The following CASP4 variants were observed in gnomAD, a reference collection of about 807,000 sequenced individuals.
CASP4 encodes the protein caspase-4.
A neutral mutation model predicts 41.3 loss-of-function variants in CASP4; 29 were observed. That is an observed-to-expected ratio of 0.70 (90% confidence interval 0.52 to 0.96). The LOEUF is 0.96. Ranked by LOEUF, CASP4 falls within the 40% of genes least tolerant of loss-of-function variation. The pLI is 0.00. For synonymous variants in CASP4, 185 were observed against 158.4 expected, an observed-to-expected ratio of 1.17 and a Z score of -1.26; for missense variants, 447 against 460.6, an observed-to-expected ratio of 0.97 and a Z score of 0.27.
At chr11:104,943,193 G>T (rs377535793) in intron 8 of CASP4, 3 of 318,130 alleles carry the variant, frequency 9.4e-6, no homozygotes, top group African/African-American at 6.5e-5. Context: ...AAGGCTTCCT[G>T]TCTCGCTCAG....
At chr11:104,943,147 T>C in intron 8 of CASP4, 174 bp from the exon 9 acceptor site, 1 of 349,484 alleles carries the variant, frequency 2.9e-6, no homozygotes, top group East Asian at 7.5e-5. Flanking sequence ...AAAACCTAAT[T>C]TAAAGCATAT....
chr11:104,958,983 AAAAAG>A (rs1591133299), intron 1 of CASP4, among the ~76,000 whole-genome samples: 5 of 149,774 alleles, frequency 3.3e-5, no homozygotes, highest in Middle Eastern at 3.5e-3. Context: ...AAAAAAAAAA[AAAAAG>A]AGTAAATTAG....
rs1284067659 is a variant in CASP4 at position 104,954,729 on chromosome 11, T to C, written c.262+18A>G. 8 of 1,609,188 alleles carry C rather than the reference T, an allele frequency of 5.0e-6. No homozygotes were observed. The highest frequency in any genetic ancestry group is 6.8e-6 in the Non-Finnish European group (8 of 1,177,410). ...TTAGGGAAAATTGAGACATTCATTGTAAAAAATCCAGTCTTACCTTTTTTA... is the reference window on the plus strand; with the variant it reads ...TTAGGGAAAATTGAGACATTCATTGCAAAAAATCCAGTCTTACCTTTTTTA... On this transcript the variant is annotated intron_variant, in intron 2 of 8. Transcript: ENST00000444739.
chr11:104,943,924 TAGAG>T (rs1860386339), intron 8 of CASP4: 1 of 152,214 alleles, frequency 6.6e-6, no homozygotes, highest in South Asian at 2.1e-4. Flanking sequence ...GTATGTATCT[TAGAG>T]GGAGATTGAT....
chr11:104,950,259 T>A (rs937876200), intron 4 of CASP4, among the ~76,000 whole-genome samples: 1 of 152,166 alleles, frequency 6.6e-6, no homozygotes, highest in Non-Finnish European at 1.5e-5. Flanking sequence ...TCAGCTCAGC[T>A]CTTTCACAGG....
intron 2 of CASP4, among the ~76,000 whole-genome samples, chr11:104,954,333 TATA>T (rs1219037221): frequency 6.6e-6 from 1 of 152,112 alleles, no homozygotes; most frequent in African/African-American, 2.4e-5. Flanking sequence ...TGCCTGTCAT[TATA>T]ATGTTTCTAG....
At chr11:104,951,856 T>G in intron 3 of CASP4, 40 bp downstream of exon 3, 1 of 1,317,890 alleles carries the variant, frequency 7.6e-7, no homozygotes, top group Non-Finnish European at 1.1e-6. Flanking sequence ...AGCAATGATA[T>G]CTCTTCTTTT....
chr11:104,950,820 A>ACACC, intron 4 of CASP4, 105 bp downstream of exon 4: 2 of 1,004,986 alleles, frequency 2.0e-6, no homozygotes, highest in Admixed American at 2.3e-5. Context: ...ACACACACAC[A>ACACC]CACCCAAAGG....
chr11:104,957,610 A>G (rs1433711003), intron 1 of CASP4, among the ~76,000 whole-genome samples: 1 of 152,156 alleles, frequency 6.6e-6, no homozygotes, highest in Non-Finnish European at 1.5e-5. Context: ...AAAACTATAA[A>G]ATATTGATAG....
At chr11:104,949,811 A>G in intron 4 of CASP4, 34 bp from the exon 5 acceptor site, 1 of 1,598,416 alleles carries the variant, frequency 6.3e-7, no homozygotes, top group Non-Finnish European at 8.6e-7. Context: ...TCAGTCAGAG[A>G]AGCATCACAA....
At chr11:104,951,809 A>G (rs1356884552) in intron 3 of CASP4, 87 bp downstream of exon 3, 5 of 869,502 alleles carry the variant, frequency 5.8e-6, no homozygotes, top group Non-Finnish European at 9.6e-6. Flanking sequence ...CCCACCCCCA[A>G]TCATTTAGTG....
intron 7 of CASP4, 105 bp from the exon 8 acceptor site, chr11:104,944,956 G>T: frequency 1.3e-6 from 1 of 791,246 alleles, no homozygotes; most frequent in Non-Finnish European, 2.1e-6. Flanking sequence ...GAGCTTGCAG[G>T]TTTCATAGAA....
intron 1 of CASP4, among the ~76,000 whole-genome samples, chr11:104,957,583 C>G (rs1446680204): frequency 1.3e-5 from 2 of 151,788 alleles, no homozygotes; most frequent in Admixed American, 1.3e-4. Flanking sequence ...AAAATAACAG[C>G]AATAATAACA....
intron 1 of CASP4, among the ~76,000 whole-genome samples, chr11:104,962,406 A>G (rs1373928095): frequency 1.3e-5 from 2 of 152,244 alleles, no homozygotes; most frequent in Non-Finnish European, 2.9e-5. Context: ...AATAGAAAAA[A>G]GAATTTACAA....
intron 6 of CASP4, chr11:104,948,061 A>G (rs1052883354): frequency 2.6e-5 from 4 of 152,376 alleles, no homozygotes; most frequent in African/African-American, 7.2e-5. Context: ...GCTCCTTAAG[A>G]TAATTACCTA....
chr11:104,963,736 G>A (rs1013788329), intron 1 of CASP4, among the ~76,000 whole-genome samples: 4 of 152,098 alleles, frequency 2.6e-5, no homozygotes, highest in Non-Finnish European at 4.4e-5. Context: ...GGGTTGATTG[G>A]CTTTAGGTTG....
intron 1 of CASP4, among the ~76,000 whole-genome samples, chr11:104,955,225 T>C (rs182805714): frequency 5.2e-4 from 79 of 152,236 alleles, no homozygotes; most frequent in African/African-American, 1.6e-3. Context: ...TTCTTTTTTC[T>C]TTTCTTTTCT....
intron 5 of CASP4, chr11:104,948,915 A>G (rs552250651): frequency 1.7e-4 from 56 of 327,702 alleles, no homozygotes; most frequent in African/African-American, 9.0e-4. Flanking sequence ...CATTTTCTAG[A>G]AAAAAAATCT....
At chr11:104,948,433 T>G in intron 6 of CASP4, 100 bp downstream of exon 6, 2 of 1,208,958 alleles carry the variant, frequency 1.7e-6, no homozygotes, top group Non-Finnish European at 2.3e-6. Flanking sequence ...CACACAACAT[T>G]CTATCAGATC....
Sources: gnomAD v4.1 joint callset for allele counts (sites outside exome capture counted in the v4.1 genomes callset) on GRCh38, gnomAD v4.1.1 for gene constraint, MANE v1.5 for transcripts, NCBI Gene and HGNC (gene_info 2026-07-23, HGNC 2026-07-21) for gene names.